The following CACNB2 variants were observed in gnomAD, a reference collection of about 807,000 sequenced individuals.
CACNB2 encodes the protein voltage-dependent L-type calcium channel subunit beta-2.
CACNB2 carries 42 observed loss-of-function variants against 73.3 expected under a neutral mutation model. The ratio of observed to expected loss-of-function variants is 0.57; its 90% CI spans 0.45 to 0.74. The LOEUF (loss-of-function observed/expected upper bound fraction) is 0.74, where lower values mean the gene tolerates loss of function less well. CACNB2 is among the 30% of genes least tolerant of loss of function. The probability of loss-of-function intolerance (pLI) is 0.00; values close to 1 mark genes in which losing one functional copy is unlikely to be tolerated. For synonymous variants in CACNB2, 348 were observed against 310.3 expected (o/e 1.12, Z -1.28); for missense variants, 940 against 853.0 (o/e 1.10, Z -1.27).
In CACNB2 at chr10:18,401,836, C is replaced by T. The variant is rs1037733965; in HGVS notation, c.214-88C>T. Reference sequence around the variant, plus strand: ...CTTTTCAGGAAAGTATAGAACAATCCGGGAAGCTAACTGCTGTGTCGATGA... The same window carrying T: ...CTTTTCAGGAAAGTATAGAACAATCTGGGAAGCTAACTGCTGTGTCGATGA... On this transcript the variant is annotated intron_variant, in intron 2 of 13. Coordinates refer to ENST00000324631, the MANE Select transcript of CACNB2 (RefSeq NM_201596.3). The T allele has an allele frequency of 1.1e-5, 15 of 1,304,484 alleles. No individual in the cohort carries two copies. The African/African-American group carries it at 1.9e-4, about 16-fold the overall frequency. 80.8% of individuals were successfully genotyped at this position (1,304,484 alleles called of 1,614,324 possible).
intron 2 of CACNB2, among the ~76,000 whole-genome samples, chr10:18,349,010 C>A (rs1415691662): frequency 6.6e-6 from 1 of 152,146 alleles, no homozygotes; most frequent in Non-Finnish European, 1.5e-5. Context: ...GATCCCAGCT[C>A]CTTGGGAGGC....
intron 2 of CACNB2, among the ~76,000 whole-genome samples, chr10:18,394,745 T>G (rs1385589316): frequency 6.6e-6 from 1 of 152,212 alleles, no homozygotes; most frequent in Non-Finnish European, 1.5e-5. Flanking sequence ...AGTGTAAGCA[T>G]TTATGAAATA....
At chr10:18,291,814 G>C (rs774438713) in intron 2 of CACNB2, among the ~76,000 whole-genome samples, 6 of 152,152 alleles carry the variant, frequency 3.9e-5, no homozygotes, top group Non-Finnish European at 8.8e-5. Flanking sequence ...AGAAACACAT[G>C]CTTTAAGAAC....
At chr10:18,209,591 A>G (rs900812741) in intron 2 of CACNB2, among the ~76,000 whole-genome samples, 1 of 152,068 alleles carries the variant, frequency 6.6e-6, no homozygotes, top group Non-Finnish European at 1.5e-5. Flanking sequence ...TTATAATTAA[A>G]TATGTGTTGC....
chr10:18,401,132 G>C (rs370191541), intron 2 of CACNB2: 4 of 1,613,810 alleles, frequency 2.5e-6, no homozygotes, highest in Non-Finnish European at 3.4e-6. Context: ...TGTGGGGAGA[G>C]GTTATTTTGT....
At chr10:18,179,012 C>T (rs140937476) in intron 2 of CACNB2, among the ~76,000 whole-genome samples, 1 of 152,146 alleles carries the variant, frequency 6.6e-6, no homozygotes, top group Non-Finnish European at 1.5e-5. Flanking sequence ...AACCTTCCAG[C>T]AGGTCTGTGC....
intron 3 of CACNB2, among the ~76,000 whole-genome samples, chr10:18,494,891 T>C (rs949627084): frequency 4.6e-5 from 7 of 151,816 alleles, no homozygotes; most frequent in Admixed American, 4.6e-4. Context: ...CAATACCCTG[T>C]CTCTACAAAG....
At chr10:18,159,557 G>A (rs1318246065) in intron 2 of CACNB2, among the ~76,000 whole-genome samples, 1 of 152,178 alleles carries the variant, frequency 6.6e-6, no homozygotes, top group Non-Finnish European at 1.5e-5. Flanking sequence ...AAGGTTGCAT[G>A]ACACTTTCAG....
chr10:18,328,764 C>T (rs1374750678), intron 2 of CACNB2, among the ~76,000 whole-genome samples: 1 of 152,198 alleles, frequency 6.6e-6, no homozygotes, highest in Non-Finnish European at 1.5e-5. Context: ...GTTGGTTAAG[C>T]AAGCTTCAGG....
chr10:18,395,684 T>C (rs1170118058), intron 2 of CACNB2, among the ~76,000 whole-genome samples: 1 of 152,180 alleles, frequency 6.6e-6, no homozygotes, highest in African/African-American at 2.4e-5. Context: ...AAATTGAAAC[T>C]GACATTTTGG....
intron 2 of CACNB2, among the ~76,000 whole-genome samples, chr10:18,347,762 G>A (rs951305615): frequency 3.3e-5 from 5 of 152,086 alleles, no homozygotes; most frequent in African/African-American, 9.7e-5. Context: ...TAACAACACA[G>A]GTATTTCTGC....
intron 3 of CACNB2, among the ~76,000 whole-genome samples, chr10:18,452,235 C>T (rs1167904140): frequency 6.6e-6 from 1 of 152,004 alleles, no homozygotes; most frequent in African/African-American, 2.4e-5. Context: ...CCAGCTTGGG[C>T]AACAAAGTGA....
At chr10:18,157,274 G>T (rs2131070645) in intron 2 of CACNB2, among the ~76,000 whole-genome samples, 1 of 152,256 alleles carries the variant, frequency 6.6e-6, no homozygotes, top group Non-Finnish European at 1.5e-5. Flanking sequence ...CGAACGCCTG[G>T]ACTTGGAAGC....
chr10:18,522,057 C>T (rs752514539), intron 9 of CACNB2, among the ~76,000 whole-genome samples: 4 of 152,086 alleles, frequency 2.6e-5, no homozygotes, highest in Admixed American at 1.3e-4. Flanking sequence ...AGATCAGCAG[C>T]GGCATTAGAT....
intron 3 of CACNB2, among the ~76,000 whole-genome samples, chr10:18,480,559 T>C (rs1371327743): frequency 3.9e-5 from 6 of 152,196 alleles, no homozygotes; most frequent in African/African-American, 1.4e-4. Flanking sequence ...CAAGAAAGTA[T>C]CCTGAGCCTA....
chr10:18,484,442 A>G (rs2048955052), intron 3 of CACNB2, among the ~76,000 whole-genome samples: 1 of 152,138 alleles, frequency 6.6e-6, no homozygotes, highest in South Asian at 2.1e-4. Context: ...CAACTAAGAA[A>G]TGGGAGAGCT....
chr10:18,184,204 TGG>T (rs2034033820), intron 2 of CACNB2, among the ~76,000 whole-genome samples: 1 of 152,192 alleles, frequency 6.6e-6, no homozygotes, highest in South Asian at 2.1e-4. Flanking sequence ...CTTTGTTGCA[TGG>T]GATTAAAACC....
intron 2 of CACNB2, among the ~76,000 whole-genome samples, chr10:18,168,673 T>C (rs566267966): frequency 1.2e-4 from 18 of 152,344 alleles, no homozygotes; most frequent in African/African-American, 4.1e-4. Context: ...ACTGAAACAT[T>C]TGAAAACCAA....
At chr10:18,316,455 TC>T (rs139948483) in intron 2 of CACNB2, among the ~76,000 whole-genome samples, 28,314 of 148,750 alleles carry the variant, frequency 0.19, 2,844 homozygotes, top group Middle Eastern at 0.28. Flanking sequence ...TTTCTTTTTT[TC>T]TTCCCCCCTC....
Sources: gnomAD v4.1 joint callset for allele counts (sites outside exome capture counted in the v4.1 genomes callset) on GRCh38, gnomAD v4.1.1 for gene constraint, MANE v1.5 for transcripts, NCBI Gene and HGNC (gene_info 2026-07-23, HGNC 2026-07-21) for gene names.